Variants in ANK3 observed in about 807,000 individuals in gnomAD.
The protein encoded by ANK3 is ankyrin 3.
In ANK3, 57 loss-of-function variants were observed where a neutral mutation model predicts 370.9. That is an observed-to-expected ratio of 0.15 (90% confidence interval 0.12 to 0.19). ANK3 has a LOEUF of 0.19. Among genes scored for constraint, ANK3 ranks in the 10% least tolerant of loss-of-function variants. The probability of loss-of-function intolerance (pLI) is 1.00; values close to 1 mark genes in which losing one functional copy is unlikely to be tolerated. For synonymous variants in ANK3, 1,929 were observed against 1,946.3 expected (o/e 0.99, Z 0.23); for missense variants, 4,439 against 5,302.1 (o/e 0.84, Z 5.06).
intron 2 of ANK3, among the ~76,000 whole-genome samples, chr10:60,401,763 T>A (rs911305257): frequency 3.3e-5 from 5 of 152,192 alleles, no homozygotes; most frequent in African/African-American, 1.2e-4. Context: ...TATTACACAT[T>A]TAGATTGCCT....
At chr10:60,440,141 A>C (rs1008407951) in intron 2 of ANK3, among the ~76,000 whole-genome samples, 2 of 152,118 alleles carry the variant, frequency 1.3e-5, no homozygotes, top group African/African-American at 2.4e-5. Flanking sequence ...TAGAAGGAGG[A>C]TAAAGAGAAT....
chr10:60,031,856 C>T (rs1273866263), intron 43 of ANK3, among the ~76,000 whole-genome samples: 1 of 152,114 alleles, frequency 6.6e-6, no homozygotes, highest in Non-Finnish European at 1.5e-5. Flanking sequence ...TGCCCCAGGT[C>T]ACTAATGCTT....
chr10:60,613,765 A>C (rs574397295), intron 2 of ANK3, among the ~76,000 whole-genome samples: 78 of 151,984 alleles, frequency 5.1e-4, no homozygotes, highest in African/African-American at 1.9e-3. Context: ...AAAACAAAAA[A>C]AAAAATCATT....
At chr10:60,092,125 A>G (rs1394705492) in intron 28 of ANK3, among the ~76,000 whole-genome samples, 1 of 152,218 alleles carries the variant, frequency 6.6e-6, no homozygotes, top group Non-Finnish European at 1.5e-5. Context: ...TGGGGAAGGA[A>G]GATGAGAAGA....
At chr10:60,132,909 C>A (rs181548288) in intron 25 of ANK3, among the ~76,000 whole-genome samples, 124 of 152,280 alleles carry the variant, frequency 8.1e-4, no homozygotes, top group Non-Finnish European at 1.5e-3. Flanking sequence ...ACCCACCATG[C>A]CCAGCCTATA....
At chr10:60,043,227 A>G (rs764522354) in intron 42 of ANK3, 7 of 986,416 alleles carry the variant, frequency 7.1e-6, no homozygotes, top group Non-Finnish European at 8.4e-6. Flanking sequence ...GAAGGCATCT[A>G]TTTTGCATAA....
At chr10:60,596,070 T>C (rs1193829491) in intron 2 of ANK3, among the ~76,000 whole-genome samples, 2 of 152,114 alleles carry the variant, frequency 1.3e-5, no homozygotes, top group African/African-American at 2.4e-5. Context: ...ATGTACAGCA[T>C]CCCTGCTAAG....
In ANK3 at chr10:60,285,293, T is replaced by G. The variant is rs561152688; in HGVS notation, c.115-5654A>C. On this transcript the variant is annotated intron_variant, in intron 1 of 43. Transcript: ENST00000280772. ...ACTCAATTAAATAGATGTTTATGAG[T>G]TCTCCTTTAAATATCAAACATTTTG... Among the ~76,000 whole-genome samples, 4 of 152,226 alleles carry G rather than the reference T, an allele frequency of 2.6e-5. No homozygotes were observed. The South Asian group carries it at 8.3e-4, about 32-fold the overall frequency.
At chr10:60,500,804 G>C (rs1303900856) in intron 2 of ANK3, among the ~76,000 whole-genome samples, 1 of 152,116 alleles carries the variant, frequency 6.6e-6, no homozygotes, top group Non-Finnish European at 1.5e-5. Flanking sequence ...CTGCACTAGA[G>C]GGTATTAATA....
At chr10:60,032,689 A>T (rs1185755124) in intron 43 of ANK3, among the ~76,000 whole-genome samples, 3 of 152,148 alleles carry the variant, frequency 2.0e-5, no homozygotes, top group Non-Finnish European at 4.4e-5. Context: ...TCTATCATTT[A>T]AAAAAATGCT....
intron 2 of ANK3, among the ~76,000 whole-genome samples, chr10:60,413,325 C>T (rs531586372): frequency 1.4e-4 from 22 of 152,322 alleles, no homozygotes; most frequent in Admixed American, 9.1e-4. Context: ...CTGTGGGCTA[C>T]CACGTTCCTT....
chr10:60,396,254 T>C (rs999157677), intron 2 of ANK3, among the ~76,000 whole-genome samples: 3 of 152,182 alleles, frequency 2.0e-5, no homozygotes, highest in Non-Finnish European at 4.4e-5. Flanking sequence ...TAGGGAACAA[T>C]TGTTTTTGAA....
intron 7 of ANK3, among the ~76,000 whole-genome samples, chr10:60,236,404 G>A (rs1215932393): frequency 6.7e-6 from 1 of 150,236 alleles, no homozygotes; most frequent in Non-Finnish European, 1.5e-5. Flanking sequence ...TCGACATATT[G>A]CATTAGGTTG....
intron 1 of ANK3, among the ~76,000 whole-genome samples, chr10:60,351,052 T>C (rs935104333): frequency 6.6e-6 from 1 of 151,888 alleles, no homozygotes; most frequent in Non-Finnish European, 1.5e-5. Context: ...AAAGAAACAA[T>C]TGGAATTTAA....
intron 23 of ANK3, chr10:60,140,666 T>G (rs1487407832): frequency 7.6e-7 from 1 of 1,311,644 alleles, no homozygotes; most frequent in Non-Finnish European, 9.7e-7. Context: ...GCAGACATCC[T>G]TTTAAAGCTC....
intron 2 of ANK3, among the ~76,000 whole-genome samples, chr10:60,420,488 A>G (rs749397143): frequency 3.3e-5 from 5 of 152,098 alleles, no homozygotes; most frequent in Non-Finnish European, 5.9e-5. Flanking sequence ...AAAGAGGTAG[A>G]TCATACAGCT....
chr10:60,270,005 C>G (rs770295241), intron 5 of ANK3, 126 bp downstream of exon 5: 14 of 497,664 alleles, frequency 2.8e-5, no homozygotes, highest in Non-Finnish European at 3.9e-5. Flanking sequence ...TTTCATAAAA[C>G]TTATGAACCC....
At chr10:60,063,307 C>A in intron 39 of ANK3, 53 bp from the exon 40 acceptor site, 1 of 1,542,786 alleles carries the variant, frequency 6.5e-7, no homozygotes, top group Non-Finnish European at 8.7e-7. Flanking sequence ...TTCTTTCAGT[C>A]AGCACAATAT....
chr10:60,648,959 G>A (rs900598960), intron 1 of ANK3, among the ~76,000 whole-genome samples: 1 of 151,986 alleles, frequency 6.6e-6, no homozygotes, highest in African/African-American at 2.4e-5. Flanking sequence ...AACCTGCAGG[G>A]TGAGTGTACC....
Sources: allele counts gnomAD v4.1 joint callset (sites outside exome capture counted in the v4.1 genomes callset), GRCh38; gene constraint gnomAD v4.1.1; transcripts MANE v1.5; gene names NCBI Gene and HGNC (gene_info 2026-07-23, HGNC 2026-07-21).